RPL3L: variants seen among roughly 807,000 people sequenced by gnomAD.
RPL3L encodes ribosomal protein L3 like, also known as ribosomal protein uL3-like.
Under a neutral mutation model 44.5 loss-of-function variants are expected in RPL3L, and 44 were observed. The ratio of observed to expected loss-of-function variants is 0.99; its 90% CI spans 0.78 to 1.27. The LOEUF is 1.27. RPL3L is among the 50% of genes most tolerant of loss of function. RPL3L has a pLI of 0.00. For missense variants in RPL3L, 631 were observed against 569.1 expected (o/e 1.11, Z -1.11); for synonymous variants, 292 against 230.7 (o/e 1.27, Z -2.41).
Position 1,954,640 on chromosome 16 carries a change from A to T in RPL3L, c.-9T>A. ...CTGGTCCCACCAACCATGGTGGCCG[A>T]TCCCTGAAGGTCAGGAAGGGGCCTC... On this transcript the variant is annotated 5_prime_UTR_variant, in exon 1 of 10. Coordinates refer to ENST00000268661, the MANE Select transcript of RPL3L (RefSeq NM_005061.3). 6.5e-7 allele frequency: 1 copy of T among 1,544,394 alleles called. No homozygotes were observed. The highest frequency in any genetic ancestry group is 8.7e-7 in the Non-Finnish European group (1 of 1,145,918).
Position 1,944,630 on chromosome 16 carries a change from C to T in RPL3L, c.*207G>A, listed in dbSNP as rs2083106413. 5.1e-6 allele frequency: 3 copies of T among 588,742 alleles called. No homozygotes were observed. Among genetic ancestry groups the T allele is most frequent in the South Asian group, 2.2e-5 (1 of 44,968 alleles). The allele number at this position is 588,742 out of a possible 1,614,324, so 36.5% of individuals were successfully genotyped here. On this transcript the variant is annotated 3_prime_UTR_variant, in exon 10 of 10. Transcript: ENST00000268661. ...AATAAAACATAAAACTCCGGTCTCCCGCACAGCCAGCTCTGTGTGAATTAC... is the reference window on the plus strand; with the variant it reads ...AATAAAACATAAAACTCCGGTCTCCTGCACAGCCAGCTCTGTGTGAATTAC...
chr16:1,954,293 G>A, intron 1 of RPL3L, 145 bp from the exon 2 acceptor site: 2 of 941,458 alleles, frequency 2.1e-6, no homozygotes. Context: ...CCTACAGGAG[G>A]GGAGAGGAAG....
intron 4 of RPL3L, 22 bp downstream of exon 4, chr16:1,950,822 C>T: frequency 6.2e-7 from 1 of 1,613,890 alleles, no homozygotes; most frequent in Non-Finnish European, 8.5e-7. Context: ...GACTGACCGA[C>T]AGCGGAGGGC....
chr16:1,953,832 C>T, intron 2 of RPL3L, 124 bp downstream of exon 2: 3 of 1,050,350 alleles, frequency 2.9e-6, no homozygotes, highest in Non-Finnish European at 3.8e-6. Context: ...CCCCAATTCC[C>T]GGGGGCGAGG....
rs1039258875 is a variant in RPL3L at position 1,946,993 on chromosome 16, G to A, written c.794C>T (p.Ser265Phe). Reference sequence around the variant, plus strand: ...GCCCTTCTGCCCGGCCCGAGCAATGGAGCAGCCCACGCGGGCGGGGTGCCA... The same window carrying A: ...GCCCTTCTGCCCGGCCCGAGCAATGAAGCAGCCCACGCGGGCGGGGTGCCA... The part of the protein sequence containing the change: ...GAWHPARVGC[S>F]IARAGQKGYH... Residue 265 changes from serine (S) to phenylalanine (F), a missense_variant, in exon 6 of 10, where the codon TCC (serine) becomes TTC (phenylalanine). Transcript: ENST00000268661. The A allele has an allele frequency of 3.1e-6, 5 of 1,611,194 alleles. No individual in the cohort carries two copies. The highest frequency in any genetic ancestry group is 4.5e-5 in the East Asian group (2 of 44,872).
rs1175862674 is a variant in RPL3L, at chr16:1,952,773, A to G, written c.365+101T>C. The G allele has an allele frequency of 5.1e-6, 7 of 1,365,158 alleles. No homozygotes were observed. In the African/African-American group the frequency reaches 5.8e-5, roughly 11 times the overall value. The allele number at this position is 1,365,158 out of a possible 1,614,324, so 84.6% of individuals were successfully genotyped here. A position where few individuals can be genotyped will look rare whatever the true frequency, so the allele number is the denominator to read the frequency against. ...ACAGACGGTTGAGACTTCGCTTCCT[A>G]CTCACCCACACCTATCATTTCAGCA... On this transcript the variant is annotated intron_variant, in intron 3 of 9. Transcript: ENST00000268661.
At chr16:1,951,871 C>A (rs1448848508) in intron 3 of RPL3L, among the ~76,000 whole-genome samples, 1 of 151,656 alleles carries the variant, frequency 6.6e-6, no homozygotes, top group Non-Finnish European at 1.5e-5. Flanking sequence ...AGCTTCTCAG[C>A]TGGCTATTTC....
At chr16:1,950,820 G>A (rs753035566) in intron 4 of RPL3L, 24 bp downstream of exon 4, 12 of 1,613,880 alleles carry the variant, frequency 7.4e-6, no homozygotes, top group South Asian at 3.3e-5. Context: ...GGGACTGACC[G>A]ACAGCGGAGG....
intron 2 of RPL3L, 60 bp downstream of exon 2, chr16:1,953,896 C>T (rs2083188715): frequency 4.2e-6 from 6 of 1,412,236 alleles, no homozygotes; most frequent in Non-Finnish European, 5.6e-6. Flanking sequence ...TGAGTTCTGG[C>T]TCCGAGCATC....
Position 1,947,254 on chromosome 16 carries a change from C to T in RPL3L, c.628G>A (p.Val210Met), listed in dbSNP as rs769032020. 188 of 1,613,588 alleles carry T rather than the reference C, an allele frequency of 1.2e-4. No individual in the cohort carries two copies. The highest frequency in any genetic ancestry group is 3.3e-4 in the Middle Eastern group (2 of 6,060). The change falls in exon 5 of 10, where the codon GTG becomes ATG. Residue 210 changes from valine (V) to methionine (M), a missense_variant. Val to Met is a conservative substitution (Grantham distance 21, BLOSUM62 1). Transcript: ENST00000268661. Reference sequence around the variant, plus strand: ...TCAATGACCTCACTCTGGCTGAACACGCTGTGCACGGGCACCTGCTTCTCC... The same window carrying T: ...TCAATGACCTCACTCTGGCTGAACATGCTGTGCACGGGCACCTGCTTCTCC... ...RLEKQVPVHS[V>M]FSQSEVIDVI...
At chr16:1,947,711 G>C (rs1452841765) in intron 4 of RPL3L, among the ~76,000 whole-genome samples, 1 of 152,136 alleles carries the variant, frequency 6.6e-6, no homozygotes, top group South Asian at 2.1e-4. Context: ...CTCTGAGAAG[G>C]TGCCGCTGCT....
At position 1,950,871 on chromosome 16, in the gene RPL3L, C is replaced by T. The variant is rs144536720; in HGVS notation, c.474G>A (p.Lys158=). 14 of 1,614,086 alleles carry T rather than the reference C, an allele frequency of 8.7e-6. No individual in the cohort carries two copies. The East Asian group carries it at 2.7e-4, about 31-fold the overall frequency. ...GAGTGTGGACAATGACCCGAATGAC[C>T]TTGCAGTACTTCTTCATGGCGGCGA... ...KDFAAMKKYC[K]VIRVIVHTQM... The change falls in exon 4 of 10, where the codon AAG becomes AAA. Residue 158 remains lysine (K), a synonymous_variant. Transcript: ENST00000268661.
intron 2 of RPL3L, 93 bp downstream of exon 2, chr16:1,953,863 T>C: frequency 2.3e-6 from 3 of 1,278,462 alleles, no homozygotes; most frequent in East Asian, 3.0e-5. Context: ...CCTGGGACTG[T>C]GGCCCTGTCT....
rs146749305 is a variant in RPL3L, at chr16:1,954,028, G to A, written c.124C>T (p.His42Tyr). 2 of 1,607,244 alleles carry A rather than the reference G, an allele frequency of 1.2e-6. No individual in the cohort carries two copies. The highest frequency in any genetic ancestry group is 1.3e-5 in the African/African-American group (1 of 74,822). The change falls in exon 2 of 10, where the codon CAC becomes TAC. Residue 42 changes from histidine (H) to tyrosine (Y), a missense_variant. Transcript: ENST00000268661. Reference sequence around the variant, plus strand: ...TTGTAGCCCAGGAAGGCCGTGAGGTGCACGGGCTGGCTGGGGTCATCCCGC... The same window carrying A: ...TTGTAGCCCAGGAAGGCCGTGAGGTACACGGGCTGGCTGGGGTCATCCCGC... Reference protein sequence around the residue: ...WPRDDPSQPVHLTAFLGYKAG... With the variant: ...WPRDDPSQPVYLTAFLGYKAG...
At chr16:1,944,995 C>A (rs1567308148) in intron 9 of RPL3L, 102 bp from the exon 10 acceptor site, 18 of 1,438,158 alleles carry the variant, frequency 1.3e-5, no homozygotes, top group East Asian at 6.8e-5. Context: ...CCTACTGCCC[C>A]CCTAAGGCTG....
At chr16:1,950,780 T>C in intron 4 of RPL3L, 64 bp downstream of exon 4, 2 of 1,610,190 alleles carry the variant, frequency 1.2e-6, no homozygotes, top group Non-Finnish European at 1.7e-6. Context: ...CCACAGCTCC[T>C]GGAAGCTGGG....
chr16:1,954,272 T>A, intron 1 of RPL3L, 124 bp from the exon 2 acceptor site: 1 of 1,075,306 alleles, frequency 9.3e-7, no homozygotes, highest in Non-Finnish European at 1.3e-6. Flanking sequence ...GCTCAGCACC[T>A]CCCCTGTCTG....
At chr16:1,953,244 G>A (rs1021368006) in intron 2 of RPL3L, among the ~76,000 whole-genome samples, 1 of 152,218 alleles carries the variant, frequency 6.6e-6, no homozygotes, top group South Asian at 2.1e-4. Flanking sequence ...TTTTGAGACA[G>A]GGTCTCACTC....
chr16:1,954,005 G>A lies in RPL3L; in HGVS notation c.147C>T (p.Tyr49=), dbSNP rs143447625. 5.7e-5 allele frequency: 91 copies of A among 1,600,504 alleles called. No homozygotes were observed. The highest frequency in any genetic ancestry group is 7.5e-5 in the Non-Finnish European group (88 of 1,172,500). ...QPVHLTAFLG[Y]KAGMTHTLRE... ...GCAGGGTGTGGGTCATGCCCGCCTT[G>A]TAGCCCAGGAAGGCCGTGAGGTGCA... Residue 49 remains tyrosine, a synonymous_variant, in exon 2 of 10, where the codon TAC becomes TAT. Transcript: ENST00000268661.
Sources: gnomAD v4.1 joint callset for allele counts (sites outside exome capture counted in the v4.1 genomes callset) on GRCh38, gnomAD v4.1.1 for gene constraint, MANE v1.5 for transcripts, NCBI Gene and HGNC (gene_info 2026-07-23, HGNC 2026-07-21) for gene names.